The following DDX3X variants were observed in gnomAD, a reference collection of about 807,000 sequenced individuals.
DDX3X encodes ATP-dependent RNA helicase DDX3X.
In DDX3X, 4 loss-of-function variants were observed where a neutral mutation model predicts 52.7. That is an observed-to-expected ratio of 0.08 (90% CI 0.04 to 0.17). The LOEUF (loss-of-function observed/expected upper bound fraction) is 0.17. DDX3X is among the 10% of genes least tolerant of loss of function. DDX3X has a pLI of 1.00. For synonymous variants in DDX3X, 192 were observed against 178.1 expected, an observed-to-expected ratio of 1.08 and a Z score of -0.62; for missense variants, 222 against 548.6, an observed-to-expected ratio of 0.40 and a Z score of 5.95.
intron 8 of DDX3X, 37 bp from the exon 9 acceptor site, chrX:41,343,993 T>G (rs1467331937): frequency 9.1e-7 from 1 of 1,095,703 alleles, no homozygotes; most frequent in Admixed American, 2.5e-5. Context: ...TCAAACAGGG[T>G]AGGTAGAGTT....
intron 5 of DDX3X, among the ~76,000 whole-genome samples, chrX:41,360,294 C>T (rs2064024684): frequency 9.3e-6 from 1 of 107,079 alleles, no homozygotes; most frequent in Non-Finnish European, 1.9e-5. Flanking sequence ...AGGAGAATCG[C>T]TTGAACCCGG....
At position 41,359,961 on chromosome X, in the gene DDX3X, G is replaced by A. The variant is rs750246177; in HGVS notation, c.655-4313G>A. On this transcript the variant is annotated intron_variant, in intron 5 of 5. Coordinates refer to the DDX3X transcript ENST00000616050. ...CGCGCCACTGCACTCCAGCCTGGGC[G>A]ACAGAGCGAGACTCTGTCTCAAAAA... 9.1e-5 allele frequency among the ~76,000 whole-genome samples: 10 copies of A among 109,309 alleles called. No homozygotes were observed. The South Asian group carries it at 3.1e-3, about 34-fold the overall frequency. The allele number at this position is 109,309 out of a possible 115,157, so 94.9% of individuals were successfully genotyped here.
chrX:41,341,596 T>C lies in DDX3X; in HGVS notation c.264T>C (p.Arg88=). ...SRGKSSFFSD[R]GSGSRGRFDD... is the part of the protein sequence containing the mutation. ...GGAAGTCTAGCTTCTTCAGTGATCG[T>C]GGAAGTGGATCAAGGGGAAGGTAAG... The change falls in exon 4 of 17, where the codon CGT becomes CGC. Residue 88 remains arginine (R), a synonymous_variant. Transcript: ENST00000644876. 8.3e-7 allele frequency: 1 copy of C among 1,211,072 alleles called. No individual in the cohort carries two copies. The highest frequency in any genetic ancestry group is 1.1e-6 in the Non-Finnish European group (1 of 894,929).
intron 7 of DDX3X, 26 bp downstream of exon 7, chrX:41,343,377 C>T: frequency 8.6e-7 from 1 of 1,162,798 alleles, no homozygotes; most frequent in Non-Finnish European, 1.1e-6. Context: ...AAGAGTAAAA[C>T]ATCATATTTC....
chrX:41,344,479 C>G (rs759240094), intron 10 of DDX3X, 80 bp downstream of exon 10: 2 of 1,121,492 alleles, frequency 1.8e-6, no homozygotes, highest in Non-Finnish European at 2.4e-6. Context: ...CTCTTGTTGC[C>G]CAGGCTGGAG....
chrX:41,337,579 A>G, intron 2 of DDX3X, 114 bp downstream of exon 2: 1 of 557,732 alleles, frequency 1.8e-6, no homozygotes, highest in Admixed American at 3.3e-5. Flanking sequence ...TGCTTAAAGA[A>G]TTATGTAGTC....
At chrX:41,337,308 T>C in intron 1 of DDX3X, 100 bp from the exon 2 acceptor site, 1 of 698,937 alleles carries the variant, frequency 1.4e-6, no homozygotes, top group Non-Finnish European at 2.3e-6. Context: ...ACTGGGCAAC[T>C]ACTTGAATGC....
intron 2 of DDX3X, 45 bp from the exon 3 acceptor site, chrX:41,338,990 GT>G: frequency 3.2e-6 from 2 of 616,505 alleles, no homozygotes; most frequent in South Asian, 5.7e-5. Context: ...AAATGGGAAG[GT>G]TTTTTGGCAT....
At chrX:41,341,640 AC>A in intron 4 of DDX3X, 24 bp downstream of exon 4, 2 of 1,192,574 alleles carry the variant, frequency 1.7e-6, no homozygotes, top group Non-Finnish European at 2.3e-6. Flanking sequence ...TAATCACCTT[AC>A]GTGTATGTAT....
intron 2 of DDX3X, chrX:41,338,592 C>T (rs1462562610): frequency 8.9e-6 from 1 of 111,778 alleles, no homozygotes; most frequent in African/African-American, 3.3e-5. Flanking sequence ...GCAGCTTTTC[C>T]TTGTTTATTT....
intron 9 of DDX3X, 46 bp downstream of exon 9, chrX:41,344,174 T>TTA: frequency 1.7e-6 from 2 of 1,188,588 alleles, no homozygotes; most frequent in Non-Finnish European, 2.3e-6. Context: ...TTGATTCTAA[T>TTA]TAAATGTTTT....
chrX:41,358,187 C>T (rs5963963), intron 5 of DDX3X, among the ~76,000 whole-genome samples: 21,804 of 103,374 alleles, frequency 0.21, 2,159 homozygotes, highest in East Asian at 0.46. Context: ...AAGCAATTCT[C>T]CTGCCTCAGC....
Position 41,343,225 on chromosome X carries a change from G to A in DDX3X, c.553G>A (p.Val185Ile). The change falls in exon 7 of 17, where the codon GTT (valine) becomes ATT (isoleucine). Residue 185 changes from valine (V) to isoleucine (I), a missense_variant. Val to Ile is a conservative substitution (Grantham distance 29, BLOSUM62 3). This residue lies in a region of DDX3X where 73 missense variants were observed against 301.4 expected (regional missense o/e 0.24). Coordinates refer to ENST00000644876, the MANE Select transcript of DDX3X (RefSeq NM_001356.5). ...TTGAATTTCTTAACAGTTCAGTGAT[G>A]TTGAGATGGGAGAAATTATCATGGG... The part of the protein sequence containing the change: ...CPPHIESFSD[V>I]EMGEIIMGNI... 8.3e-7 allele frequency: 1 copy of A among 1,207,730 alleles called. No homozygotes were observed.
At chrX:41,350,932 T>C (rs2063980401), downstream of DDX3X, 1 of 112,024 alleles carries the variant, frequency 8.9e-6, no homozygotes, top group African/African-American at 3.2e-5. Flanking sequence ...GTTTGCAGTA[T>C]GATTAAGAAT....
intron 1 of DDX3X, chrX:41,336,257 G>GT (rs1386732061): frequency 1.8e-5 from 2 of 111,892 alleles, no homozygotes; most frequent in East Asian, 2.8e-4. Context: ...TGCATGTATA[G>GT]TTTTTTCTCC....
chrX:41,357,783 A>G, intron 5 of DDX3X: 1 of 294,065 alleles, frequency 3.4e-6, no homozygotes, highest in Non-Finnish European at 5.9e-6. Flanking sequence ...CCAACAGTAA[A>G]GATTACCTAG....
intron 7 of DDX3X, 169 bp downstream of exon 7, chrX:41,343,520 G>C (rs944212751): frequency 9.4e-6 from 5 of 532,289 alleles, no homozygotes; most frequent in Non-Finnish European, 1.5e-5. Context: ...GCTGTATTCC[G>C]TAAGAGCTTT....
At position 41,346,651 on chromosome X, in the gene DDX3X, T is replaced by C. The variant is rs2063929512; in HGVS notation, c.1615+29T>C. ...AGTATTTGATTACTTGATGGTTTCA[T>C]TGTTTTTTGCTGTGATGTGTGCAGG... On this transcript the variant is annotated intron_variant, in intron 14 of 16. Transcript: ENST00000644876. The C allele has an allele frequency of 4.5e-6, 5 of 1,114,647 alleles. No homozygotes were observed. In the East Asian group the frequency reaches 1.5e-4, roughly 33 times the overall value. The allele number at this position is 1,114,647 out of a possible 1,213,427, so 91.9% of individuals were successfully genotyped here. A position where few individuals can be genotyped will look rare whatever the true frequency, so the allele number is the denominator to read the frequency against.
chrX:41,343,659 G>A, intron 7 of DDX3X, 78 bp from the exon 8 acceptor site: 2 of 898,939 alleles, frequency 2.2e-6, no homozygotes, highest in Non-Finnish European at 3.2e-6. Context: ...TTAGTAATAG[G>A]GTAGTTAAAA....
Sources: allele counts gnomAD v4.1 joint callset (sites outside exome capture counted in the v4.1 genomes callset), GRCh38; gene constraint gnomAD v4.1.1; regional missense constraint gnomAD v4.1.1; transcripts MANE v1.5; gene names NCBI Gene and HGNC (gene_info 2026-07-23, HGNC 2026-07-21).